The following FREM1 variants were observed in gnomAD, a reference collection of about 807,000 sequenced individuals.
FREM1 encodes the protein FRAS1-related extracellular matrix protein 1.
FREM1 carries 220 observed loss-of-function variants against 210.1 expected under a neutral mutation model. That is an observed-to-expected ratio of 1.05 (90% CI 0.94 to 1.17). FREM1 has a LOEUF of 1.17. Among genes scored for constraint, FREM1 ranks in the 50% most tolerant of loss-of-function variants. The pLI, the probability that FREM1 is intolerant of heterozygous loss-of-function variation, is 0.00. For synonymous variants in FREM1, 1,189 were observed against 980.2 expected, an observed-to-expected ratio of 1.21 and a Z score of -3.98; for missense variants, 3,454 against 2,675.5, an observed-to-expected ratio of 1.29 and a Z score of -6.42.
intron 22 of FREM1, among the ~76,000 whole-genome samples, chr9:14,792,301 CACAG>C (rs1323881315): frequency 1.0e-4 from 15 of 145,000 alleles, no homozygotes; most frequent in Admixed American, 3.5e-4. Context: ...CACACACACA[CACAG>C]AGAGAGAGAG....
At chr9:14,823,381 C>A in intron 12 of FREM1, 54 bp from the exon 13 acceptor site, 1 of 1,502,554 alleles carries the variant, frequency 6.7e-7, no homozygotes, top group Non-Finnish European at 9.1e-7. Flanking sequence ...GGATCAAAAG[C>A]TTTTAGAGGT....
At chr9:14,852,474 T>C (rs1827954769) in intron 5 of FREM1, among the ~76,000 whole-genome samples, 1 of 152,106 alleles carries the variant, frequency 6.6e-6, no homozygotes, top group Non-Finnish European at 1.5e-5. Flanking sequence ...GATTGCTTGA[T>C]GCCAGGAGTT....
At chr9:14,788,829 G>A in intron 23 of FREM1, 90 bp downstream of exon 23, 1 of 967,484 alleles carries the variant, frequency 1.0e-6, no homozygotes, top group Non-Finnish European at 1.5e-6. Context: ...AGGAAAGAAG[G>A]GAGGGAAAGA....
rs1241071681 is a variant in FREM1, at chr9:14,737,528, A to G, written c.6408T>C (p.Asn2136=). 6 of 1,611,658 alleles carry G rather than the reference A, an allele frequency of 3.7e-6. No homozygotes were observed. The highest frequency in any genetic ancestry group is 4.2e-6 in the Non-Finnish European group (5 of 1,178,686). The change falls in exon 37 of 37, where the codon AAT becomes AAC. Residue 2136 remains asparagine (N), a synonymous_variant. Coordinates refer to ENST00000380880, the MANE Select transcript of FREM1 (RefSeq NM_001379081.2). ...WIGGEPVAFT[N]GRRGPSQRSK... is the part of the protein sequence containing the mutation. ...AGCGTTGAGAGGGCCCTCTTCTCCC[A>G]TTGGTGAAGGCAACAGGTTCACCAC...
chr9:14,782,387 A>G, intron 24 of FREM1: 1 of 974,462 alleles, frequency 1.0e-6, no homozygotes, highest in East Asian at 1.1e-4. Flanking sequence ...ATTTCTGAAC[A>G]TCTTTATGCA....
At position 14,756,404 on chromosome 9, in the gene FREM1, T is replaced by C. The variant is rs1156951162; in HGVS notation, c.5377A>G (p.Ile1793Val). 1.9e-6 allele frequency: 3 copies of C among 1,602,374 alleles called. No homozygotes were observed. The highest frequency in any genetic ancestry group is 2.3e-5 in the South Asian group (2 of 88,264). The change falls in exon 29 of 37, where the codon ATT becomes GTT. Residue 1793 changes from isoleucine (I) to valine (V), a missense_variant. Ile to Val is a conservative substitution (Grantham distance 29). Coordinates refer to ENST00000380880, the MANE Select transcript of FREM1 (RefSeq NM_001379081.2). ...SAAVGKDFTV[I>V]PSKLIQFDPG... ...TCAAACTGAATCAGTTTAGATGGAA[T>C]CACGGTGAAATCTTTTCCAACTGCA...
At chr9:14,779,520 C>T in intron 24 of FREM1, 2 of 984,720 alleles carry the variant, frequency 2.0e-6, no homozygotes, top group Non-Finnish European at 2.4e-6. Flanking sequence ...TTCTGACTTT[C>T]CTCCCTGCAG....
chr9:14,806,357 G>C (rs1039967707), intron 18 of FREM1, among the ~76,000 whole-genome samples: 5 of 149,882 alleles, frequency 3.3e-5, no homozygotes, highest in African/African-American at 7.4e-5. Context: ...CTGGTTTCAA[G>C]CAATTCTCCT....
At chr9:14,905,894 T>C (rs1337251478) in intron 1 of FREM1, among the ~76,000 whole-genome samples, 1 of 118,828 alleles carries the variant, frequency 8.4e-6, no homozygotes, top group African/African-American at 2.7e-5. Flanking sequence ...CTGTCTCAAA[T>C]TTAAAAAAAG....
chr9:14,841,835 T>C (rs1825745406), intron 9 of FREM1, among the ~76,000 whole-genome samples: 2 of 152,204 alleles, frequency 1.3e-5, no homozygotes, highest in African/African-American at 4.8e-5. Context: ...AAAAATATTT[T>C]CAAGAAACTT....
chr9:14,907,714 A>T (rs1260543403), intron 1 of FREM1, among the ~76,000 whole-genome samples: 2 of 152,202 alleles, frequency 1.3e-5, no homozygotes, highest in East Asian at 3.9e-4. Flanking sequence ...ACATCTGAAA[A>T]TTTTTGAAGA....
At position 14,863,426 on chromosome 9, in the gene FREM1, AC is replaced by A. The variant is rs567925104; in HGVS notation, c.329+382del. 1.3e-3 allele frequency among the ~76,000 whole-genome samples: 192 copies of A among 152,248 alleles called. 2 individuals carry two copies. The highest frequency in any genetic ancestry group is 4.6e-3 in the East Asian group (24 of 5,190). On this transcript the variant is annotated intron_variant, in intron 3 of 36. Coordinates refer to ENST00000380880, the MANE Select transcript of FREM1 (RefSeq NM_001379081.2). ...ACTTTCTGTAACTAAACAGCTGGTA[AC>A]AAAAAAGAAGAATTTCATTCATTTT...
intron 5 of FREM1, among the ~76,000 whole-genome samples, chr9:14,856,685 T>A (rs1828798920): frequency 6.6e-6 from 1 of 151,802 alleles, no homozygotes; most frequent in Non-Finnish European, 1.5e-5. Flanking sequence ...TACAAAAAAT[T>A]GGCCGGGCGT....
At chr9:14,766,061 G>T (rs573264824) in intron 27 of FREM1, among the ~76,000 whole-genome samples, 1 of 152,058 alleles carries the variant, frequency 6.6e-6, no homozygotes, top group Non-Finnish European at 1.5e-5. Context: ...GTGCAGCCAG[G>T]GGGTGAGGCA....
At chr9:14,839,262 C>T (rs762833467) in intron 10 of FREM1, among the ~76,000 whole-genome samples, 5 of 152,112 alleles carry the variant, frequency 3.3e-5, no homozygotes, top group Admixed American at 6.5e-5. Flanking sequence ...GTTGTGCTGA[C>T]ATTAGAGAAA....
At position 14,824,847 on chromosome 9, in the gene FREM1, C is replaced by T; in HGVS notation, c.2027G>A (p.Arg676Lys). The stretch of plus-strand genomic sequence containing the variant: ...AGTAGTTATTGTGTAGACCAGCTCC[C>T]TGTCATATGATTCTGAATCTATAAA... ...LHFIDSESYD[R>K]ELVYTITTPP... The change falls in exon 11 of 37, where the codon AGG (arginine) becomes AAG (lysine). Residue 676 changes from arginine (R) to lysine (K), a missense_variant. By Grantham distance (26) the Arg-to-Lys change is conservative (BLOSUM62 2). Transcript: ENST00000380880. 1.2e-6 allele frequency: 2 copies of T among 1,613,356 alleles called. No homozygotes were observed. The highest frequency in any genetic ancestry group is 2.2e-5 in the East Asian group (1 of 44,844).
rs58017285 is a variant in FREM1 at position 14,780,433 on chromosome 9, G to GAA, written c.4442+3935_4442+3936dup. On this transcript the variant is annotated intron_variant, in intron 24 of 36. Transcript: ENST00000380880. Reference sequence around the variant, plus strand: ...AATCATAAATAGCGCCAGCTCCTCAGAAAAAAAAAAAAAAAAAGTCCAGCC... The same window carrying GAA: ...AATCATAAATAGCGCCAGCTCCTCAGAAAAAAAAAAAAAAAAAAAGTCCAGCC... Among the ~76,000 whole-genome samples the GAA allele has an allele frequency of 1.1e-3, 87 of 81,538 alleles. 5 individuals are homozygous for GAA. Among genetic ancestry groups the GAA allele is most frequent in the African/African-American group, 2.9e-3 (68 of 23,516 alleles). The allele number at this position is 81,538 out of a possible 152,430, so 53.5% of individuals were successfully genotyped here. A position where few individuals can be genotyped will look rare whatever the true frequency, so the allele number is the denominator to read the frequency against.
intron 11 of FREM1, among the ~76,000 whole-genome samples, 185 bp from the exon 12 acceptor site, chr9:14,824,300 A>G (rs995568374): frequency 6.6e-6 from 1 of 152,204 alleles, no homozygotes; most frequent in South Asian, 2.1e-4. Flanking sequence ...CATCCTTGTC[A>G]TGACTGCAAA....
At chr9:14,851,252 A>C in intron 6 of FREM1, 32 bp downstream of exon 6, 1 of 1,507,298 alleles carries the variant, frequency 6.6e-7, no homozygotes, top group South Asian at 1.3e-5. Flanking sequence ...GTGACTTCTA[A>C]CTAGGCTGGA....
Sources: gnomAD v4.1 joint callset for allele counts (sites outside exome capture counted in the v4.1 genomes callset) on GRCh38, gnomAD v4.1.1 for gene constraint, MANE v1.5 for transcripts, NCBI Gene and HGNC (gene_info 2026-07-23, HGNC 2026-07-21) for gene names.